The following RHOH variants were observed in gnomAD, a reference collection of about 807,000 sequenced individuals.
RHOH encodes ras homolog family member H.
In RHOH, 6 loss-of-function variants were observed where a neutral mutation model predicts 13.8. That is an observed-to-expected ratio of 0.44 (90% CI 0.24 to 0.86). The LOEUF is 0.86. Among genes scored for constraint, RHOH ranks in the 40% least tolerant of loss-of-function variants. The probability of loss-of-function intolerance (pLI) is 0.24; values close to 1 mark genes in which losing one functional copy is unlikely to be tolerated. For missense variants in RHOH, 147 were observed against 244.5 expected (o/e 0.60, Z 2.66); for synonymous variants, 117 against 103.0 (o/e 1.14, Z -0.82).
Position 40,217,608 on chromosome 4 carries a change from C to T in RHOH, c.-331+20308C>T, listed in dbSNP as rs1308801472. On this transcript the variant is annotated intron_variant, in intron 1 of 2. Transcript: ENST00000381799. Reference sequence around the variant, plus strand: ...AACAATGTTGTCACATACTTTTCCCCACATTATTAAATATTGTTCTACAAT... The same window carrying T: ...AACAATGTTGTCACATACTTTTCCCTACATTATTAAATATTGTTCTACAAT... Among the ~76,000 whole-genome samples the T allele has an allele frequency of 2.0e-5, 3 of 152,132 alleles. No individual in the cohort carries two copies. In the East Asian group the frequency reaches 5.8e-4, roughly 29 times the overall value.
chr4:40,193,896 T>C (rs1722873262), upstream of RHOH: 2 of 152,368 alleles, frequency 1.3e-5, no homozygotes, highest in Admixed American at 6.5e-5. Context: ...GTCTCCACTT[T>C]CGTGCAGAAA....
intron 1 of RHOH, among the ~76,000 whole-genome samples, chr4:40,204,203 T>C (rs907292258): frequency 2.6e-5 from 4 of 152,216 alleles, no homozygotes; most frequent in South Asian, 2.1e-4. Context: ...TGTCTCGTGC[T>C]CTTCTTAAAG....
chr4:40,222,588 A>G (rs965515616), intron 1 of RHOH, among the ~76,000 whole-genome samples: 2 of 152,214 alleles, frequency 1.3e-5, no homozygotes, highest in African/African-American at 2.4e-5. Context: ...TGCTCAGGAA[A>G]AAGATTCCTT....
intron 1 of RHOH, among the ~76,000 whole-genome samples, chr4:40,235,999 GAA>G (rs55926531): frequency 1.4e-5 from 2 of 142,406 alleles, no homozygotes; most frequent in Admixed American, 7.0e-5. Context: ...AAAAAAAAAA[GAA>G]AAAAAAAAGG....
intron 1 of RHOH, among the ~76,000 whole-genome samples, chr4:40,231,296 A>G (rs1727904940): frequency 6.6e-6 from 1 of 150,904 alleles, no homozygotes; most frequent in Non-Finnish European, 1.5e-5. Context: ...TGGTTTGTGC[A>G]AGACCCACCT....
At chr4:40,214,670 C>G (rs558509802) in intron 1 of RHOH, among the ~76,000 whole-genome samples, 35 of 152,214 alleles carry the variant, frequency 2.3e-4, no homozygotes, top group African/African-American at 8.2e-4. Flanking sequence ...GGAAAACAGG[C>G]ATGTTTGAGA....
At chr4:40,197,815 A>C (rs1723399550) in intron 1 of RHOH, among the ~76,000 whole-genome samples, 1 of 152,160 alleles carries the variant, frequency 6.6e-6, no homozygotes, top group African/African-American at 2.4e-5. Context: ...TATAACATGT[A>C]TTTTTTAATT....
chr4:40,218,469 A>G lies in RHOH; in HGVS notation c.-331+21169A>G, dbSNP rs1726148637. On this transcript the variant is annotated intron_variant, in intron 1 of 2. Transcript: ENST00000381799. The surrounding 1 kb of genome is among the most constrained non-coding windows in gnomAD (Gnocchi z 4.1). ...ACACGTGCTAGGGCCCCCTGTGCTT[A>G]GCTCGGCTAATGAGCCCAGGCTGAG... is the stretch of plus-strand genomic sequence containing the variant. Among the ~76,000 whole-genome samples the G allele has an allele frequency of 6.6e-6, 1 of 152,198 alleles. No individual in the cohort carries two copies. Among genetic ancestry groups the G allele is most frequent in the Non-Finnish European group, 1.5e-5 (1 of 68,032 alleles).
At chr4:40,197,391 A>T (rs1723301096) in intron 1 of RHOH, 91 bp downstream of exon 1, 1 of 152,258 alleles carries the variant, frequency 6.6e-6, no homozygotes, top group Admixed American at 6.5e-5. Context: ...CAAACATCGT[A>T]ATGACTCTGA....
At chr4:40,208,132 T>A (rs1193995412) in intron 1 of RHOH, among the ~76,000 whole-genome samples, 1 of 152,218 alleles carries the variant, frequency 6.6e-6, no homozygotes, top group Non-Finnish European at 1.5e-5. Context: ...CTGATTTACT[T>A]GTCCTTTCTT....
chr4:40,206,498 C>T (rs562608539), intron 1 of RHOH, among the ~76,000 whole-genome samples: 5 of 152,204 alleles, frequency 3.3e-5, no homozygotes, highest in East Asian at 1.9e-4. Flanking sequence ...ATTACAAAAA[C>T]CTTTAAGGGG....
At position 40,243,954 on chromosome 4, in the gene RHOH, A is replaced by G. The variant is rs1359846323; in HGVS notation, c.568A>G (p.Ile190Val). ...GCTCTTCTCCATCAATGAGTGCAAG[A>G]TCTTCTAAACCCCAAGAGACTTCAC... ...RRLFSINECKIF is the reference protein window; with the variant it reads ...RRLFSINECKVF Residue 190 changes from isoleucine (I) to valine (V), a missense_variant, in exon 3 of 3, where the codon ATC becomes GTC. Coordinates refer to ENST00000381799, the MANE Select transcript of RHOH (RefSeq NM_004310.5). This position sits in a 1 kb window ranked among gnomAD's most constrained non-coding sequence, Gnocchi z 6.2. 1 of 1,611,902 alleles carries G rather than the reference A, an allele frequency of 6.2e-7. No individual in the cohort carries two copies. The highest frequency in any genetic ancestry group is 1.1e-5 in the South Asian group (1 of 90,874).
chr4:40,213,335 T>TTC (rs558461413), intron 1 of RHOH, among the ~76,000 whole-genome samples: 5,694 of 148,002 alleles, frequency 0.038, 257 homozygotes, highest in African/African-American at 0.1. Context: ...AGTTCCTGAC[T>TTC]TCTCTCTCTC....
rs999210752 is a variant in RHOH at position 40,245,702 on chromosome 4, A to G, written c.*1740A>G. The G allele has an allele frequency of 6.6e-6, 1 of 152,206 alleles. No homozygotes were observed. The highest frequency in any genetic ancestry group is 1.5e-5 in the Non-Finnish European group (1 of 68,044). The allele number at this position is 152,206 out of a possible 1,614,324, so 9.4% of individuals were successfully genotyped here. On this transcript the variant is annotated 3_prime_UTR_variant, in exon 3 of 3. Transcript: ENST00000381799. ...AACGTGACTATTACACACAAAAGGT[A>G]AGGTGGCTGGCATAAATGACTTTGA...
At chr4:40,203,947 C>T (rs957620538) in intron 1 of RHOH, among the ~76,000 whole-genome samples, 3 of 151,900 alleles carry the variant, frequency 2.0e-5, no homozygotes, top group African/African-American at 7.3e-5. Flanking sequence ...CACTCTGGAC[C>T]TTACTGTATG....
At chr4:40,199,805 C>T (rs2109352274) in intron 1 of RHOH, among the ~76,000 whole-genome samples, 1 of 152,290 alleles carries the variant, frequency 6.6e-6, no homozygotes, top group Admixed American at 6.5e-5. Context: ...GTTTGGGATG[C>T]TTGGATCTGG....
At position 40,222,440 on chromosome 4, in the gene RHOH, A is replaced by G. The variant is rs562968207; in HGVS notation, c.-330-20274A>G. On this transcript the variant is annotated intron_variant, in intron 1 of 2. Transcript: ENST00000381799. Reference sequence around the variant, plus strand: ...AAGCCAGTACTCATTTACCATTCCAACAGATCCTAGGGCCTTAAGAATTAT... The same window carrying G: ...AAGCCAGTACTCATTTACCATTCCAGCAGATCCTAGGGCCTTAAGAATTAT... 3.3e-5 allele frequency among the ~76,000 whole-genome samples: 5 copies of G among 152,312 alleles called. No homozygotes were observed. In the South Asian group the frequency reaches 1.0e-3, roughly 32 times the overall value.
intron 1 of RHOH, among the ~76,000 whole-genome samples, chr4:40,221,437 C>T (rs113049231): frequency 2.0e-5 from 3 of 152,258 alleles, no homozygotes; most frequent in African/African-American, 7.2e-5. Flanking sequence ...TTCCCAACAG[C>T]GTATGCTCAC....
chr4:40,229,447 C>A (rs1489989468), intron 1 of RHOH, among the ~76,000 whole-genome samples: 1 of 151,830 alleles, frequency 6.6e-6, no homozygotes, highest in Admixed American at 6.6e-5. Flanking sequence ...ACCAGCCTGA[C>A]CAACATGGAG....
Sources: gnomAD v4.1 joint callset for allele counts (sites outside exome capture counted in the v4.1 genomes callset) on GRCh38, gnomAD v4.1.1 for gene constraint, Gnocchi (gnomAD v3.1) non-coding constraint, MANE v1.5 for transcripts, NCBI Gene and HGNC (gene_info 2026-07-23, HGNC 2026-07-21) for gene names.